KCNQ1: variants seen among roughly 807,000 people sequenced by gnomAD.
KCNQ1 encodes the protein potassium voltage-gated channel subfamily KQT member 1.
A neutral mutation model predicts 72.4 loss-of-function variants in KCNQ1; 49 were observed. The observed-to-expected ratio is 0.68, with a 90% confidence interval of 0.54 to 0.86. The LOEUF is 0.86. Among genes scored for constraint, KCNQ1 ranks in the 40% least tolerant of loss-of-function variants. The pLI, the probability that KCNQ1 is intolerant of heterozygous loss-of-function variation, is 0.00. For synonymous variants in KCNQ1, 450 were observed against 412.6 expected, an observed-to-expected ratio of 1.09 and a Z score of -1.10; for missense variants, 790 against 945.1, an observed-to-expected ratio of 0.84 and a Z score of 2.15.
At chr11:2,504,590 C>T (rs1321647224) in intron 1 of KCNQ1, among the ~76,000 whole-genome samples, 1 of 152,040 alleles carries the variant, frequency 6.6e-6, no homozygotes, top group African/African-American at 2.4e-5. Flanking sequence ...ACCCCCTTCT[C>T]TACAAAAAAC....
chr11:2,721,018 C>T (rs1388900432), intron 11 of KCNQ1, among the ~76,000 whole-genome samples: 2 of 152,126 alleles, frequency 1.3e-5, no homozygotes, highest in African/African-American at 4.8e-5. Flanking sequence ...GGTCCCTGGA[C>T]ACCTGCAGCA....
chr11:2,479,006 C>G lies in KCNQ1; in HGVS notation c.386+33522C>G, dbSNP rs1201507099. Among the ~76,000 whole-genome samples, 1 of 152,216 alleles carries G rather than the reference C, an allele frequency of 6.6e-6. No individual in the cohort carries two copies. The highest frequency in any genetic ancestry group is 2.1e-4 in the South Asian group (1 of 4,830). On this transcript the variant is annotated intron_variant, in intron 1 of 15. Coordinates refer to ENST00000155840, the MANE Select transcript of KCNQ1 (RefSeq NM_000218.3). This position sits in a 1 kb window ranked among gnomAD's most constrained non-coding sequence, Gnocchi z 4.6. Reference sequence around the variant, plus strand: ...TCGAAATCCAGTGGGGCAGTTAAATCTTAATGCTCCAAAATGATCTCCATT... The same window carrying G: ...TCGAAATCCAGTGGGGCAGTTAAATGTTAATGCTCCAAAATGATCTCCATT...
intron 11 of KCNQ1, among the ~76,000 whole-genome samples, chr11:2,742,023 G>A (rs1157246865): frequency 1.3e-5 from 2 of 152,254 alleles, no homozygotes; most frequent in Non-Finnish European, 2.9e-5. Flanking sequence ...ATGAGTCAGC[G>A]TTGACTGTTT....
intron 15 of KCNQ1, chr11:2,839,600 CGAGAGG>C (rs1203970215): frequency 2.0e-5 from 3 of 148,756 alleles, no homozygotes; most frequent in East Asian, 1.9e-4. Context: ...GCGTGCGGGC[CGAGAGG>C]AAGAGGAAGG....
Position 2,848,149 on chromosome 11 carries a change from C to T in KCNQ1, c.*146C>T, listed in dbSNP as rs1458008844. ...AGGCCCCAATACCCCATGGACCATG[C>T]TGTCTGGCACAGCCTGCACTTGGGG... On this transcript the variant is annotated 3_prime_UTR_variant, in exon 16 of 16. Coordinates refer to ENST00000155840, the MANE Select transcript of KCNQ1 (RefSeq NM_000218.3). 12 of 773,046 alleles carry T rather than the reference C, an allele frequency of 1.6e-5. No homozygotes were observed. The highest frequency in any genetic ancestry group is 8.0e-5 in the East Asian group (3 of 37,564). The allele number at this position is 773,046 out of a possible 1,614,324, so 47.9% of individuals were successfully genotyped here. A position where few individuals can be genotyped will look rare whatever the true frequency, so the allele number is the denominator to read the frequency against.
chr11:2,583,864 G>A (rs1848542948), intron 7 of KCNQ1, among the ~76,000 whole-genome samples: 1 of 152,218 alleles, frequency 6.6e-6, no homozygotes, highest in African/African-American at 2.4e-5. Flanking sequence ...GCCCCATGGA[G>A]GCAGAATCTT....
At chr11:2,705,674 A>G (rs1282050796) in intron 11 of KCNQ1, among the ~76,000 whole-genome samples, 2 of 152,192 alleles carry the variant, frequency 1.3e-5, no homozygotes, top group Admixed American at 6.5e-5. Flanking sequence ...TGCCAGGGAA[A>G]AGTGGGCCCA....
intron 10 of KCNQ1, among the ~76,000 whole-genome samples, chr11:2,591,333 C>T (rs957880631): frequency 2.6e-5 from 4 of 152,330 alleles, no homozygotes; most frequent in African/African-American, 4.8e-5. Context: ...TCCAGGCTCC[C>T]GCTCCACTGG....
rs575969634 is a variant in KCNQ1 at position 2,448,635 on chromosome 11, C to T, written c.386+3151C>T. On this transcript the variant is annotated intron_variant, in intron 1 of 15. Coordinates refer to ENST00000155840, the MANE Select transcript of KCNQ1 (RefSeq NM_000218.3). ...TGGTGGGGCTGGGCACAGAGGAGGA[C>T]GGGGCTCTCTGAGCCATCAGGTCTC... Among the ~76,000 whole-genome samples the T allele has an allele frequency of 1.6e-4, 24 of 152,302 alleles. No individual in the cohort carries two copies. In the East Asian group the frequency reaches 3.9e-3, roughly 25 times the overall value.
Position 2,563,989 on chromosome 11 carries a change from C to T in KCNQ1, c.478-6639C>T, listed in dbSNP as rs1338507009. Among the ~76,000 whole-genome samples the T allele has an allele frequency of 3.5e-4, 54 of 152,210 alleles. 1 individual carries two copies. The highest frequency in any genetic ancestry group is 3.5e-3 in the Admixed American group (54 of 15,294). ...AGATACTCGGGGCCGCTGGGTGGCC[C>T]TGAAGGCCCACAGAATCCTTTTGGA... On this transcript the variant is annotated intron_variant, in intron 2 of 15. Transcript: ENST00000155840. The surrounding 1 kb of genome is among the most constrained non-coding windows in gnomAD (Gnocchi z 7.4).
chr11:2,615,546 A>G (rs1172285635), intron 10 of KCNQ1: 3 of 397,932 alleles, frequency 7.5e-6, no homozygotes, highest in African/African-American at 6.2e-5. Flanking sequence ...TTTTTCACAA[A>G]TCCTCTTTAA....
chr11:2,459,701 GC>G (rs1395481930), intron 1 of KCNQ1, among the ~76,000 whole-genome samples: 1 of 152,014 alleles, frequency 6.6e-6, no homozygotes, highest in Non-Finnish European at 1.5e-5. Flanking sequence ...CACCCCGGAG[GC>G]CCCCTCCGCC....
intron 11 of KCNQ1, chr11:2,688,585 C>T (rs1464366753): frequency 5.0e-6 from 2 of 398,610 alleles, no homozygotes; most frequent in South Asian, 1.3e-4. Context: ...CCAGTGCTCG[C>T]TCACTGAGGC....
At position 2,678,887 on chromosome 11, in the gene KCNQ1, C is replaced by T; in HGVS notation, c.1514+16806C>T. On this transcript the variant is annotated intron_variant, in intron 11 of 15. Coordinates refer to ENST00000155840, the MANE Select transcript of KCNQ1 (RefSeq NM_000218.3). This position sits in a 1 kb window ranked among gnomAD's most constrained non-coding sequence, Gnocchi z 4.9. ...GGAGTTGCCAGCTGGACCCAAGGAC[C>T]ATTTCGTATACATGTATGATCATAC... 2.5e-6 allele frequency: 1 copy of T among 398,564 alleles called. No individual in the cohort carries two copies. Among genetic ancestry groups the T allele is most frequent in the South Asian group, 1.3e-4 (1 of 7,856 alleles). 24.7% of individuals were successfully genotyped at this position (398,564 alleles called of 1,614,324 possible). A position where few individuals can be genotyped will look rare whatever the true frequency, so the allele number is the denominator to read the frequency against.
rs1054444500 is a variant in KCNQ1 at position 2,481,775 on chromosome 11, C to G, written c.386+36291C>G. 1.3e-5 allele frequency among the ~76,000 whole-genome samples: 2 copies of G among 152,186 alleles called. No homozygotes were observed. The highest frequency in any genetic ancestry group is 2.9e-5 in the Non-Finnish European group (2 of 68,022). On this transcript the variant is annotated intron_variant, in intron 1 of 15. Coordinates refer to ENST00000155840, the MANE Select transcript of KCNQ1 (RefSeq NM_000218.3). The surrounding 1 kb of genome is among the most constrained non-coding windows in gnomAD (Gnocchi z 4.6). ...AATGCCTGATGATCTGTCACTGTCT[C>G]CCATCACCCCCAGATGGGACTGTCT...
At chr11:2,662,409 A>C in intron 11 of KCNQ1, 1 of 443,406 alleles carries the variant, frequency 2.3e-6, no homozygotes, top group Non-Finnish European at 3.9e-6. Flanking sequence ...AAAAGAGACG[A>C]CTTTGTTTTT....
intron 15 of KCNQ1, among the ~76,000 whole-genome samples, chr11:2,794,648 G>C (rs1436534407): frequency 6.6e-6 from 1 of 152,134 alleles, no homozygotes; most frequent in Non-Finnish European, 1.5e-5. Context: ...GCCGCATGGA[G>C]GGGCGTCAGG....
intron 1 of KCNQ1, among the ~76,000 whole-genome samples, chr11:2,514,661 C>T (rs867512098): frequency 5.9e-5 from 9 of 152,206 alleles, no homozygotes; most frequent in Non-Finnish European, 1.0e-4. Context: ...CCCATCTCTA[C>T]TAAAAATACA....
intron 13 of KCNQ1, 150 bp downstream of exon 13, chr11:2,776,204 T>G (rs752040082): frequency 1.6e-5 from 11 of 692,970 alleles, no homozygotes; most frequent in Admixed American, 9.9e-5. Flanking sequence ...CCCCCAGCCC[T>G]GCAGAGGGAG....
Sources: allele counts gnomAD v4.1 joint callset (sites outside exome capture counted in the v4.1 genomes callset), GRCh38; gene constraint gnomAD v4.1.1; non-coding constraint Gnocchi (gnomAD v3.1); transcripts MANE v1.5; gene names NCBI Gene and HGNC (gene_info 2026-07-23, HGNC 2026-07-21).